ZNF385B: variants seen among roughly 807,000 people sequenced by gnomAD.
ZNF385B encodes the protein zinc finger protein 385B, also known as zinc finger protein 533.
ZNF385B carries 23 observed loss-of-function variants against 39.2 expected under a neutral mutation model. The ratio of observed to expected loss-of-function variants is 0.59; its 90% CI spans 0.42 to 0.83. ZNF385B has a LOEUF of 0.83. Ranked by LOEUF, ZNF385B falls within the 40% of genes least tolerant of loss-of-function variation. The pLI, the probability that ZNF385B is intolerant of heterozygous loss-of-function variation, is 0.00. For missense variants in ZNF385B, 552 were observed against 598.9 expected (o/e 0.92, Z 0.82); for synonymous variants, 205 against 222.6 (o/e 0.92, Z 0.70).
At chr2:179,773,132 T>A (rs941181430) in intron 1 of ZNF385B, among the ~76,000 whole-genome samples, 2 of 152,124 alleles carry the variant, frequency 1.3e-5, no homozygotes, top group African/African-American at 4.8e-5. Flanking sequence ...TTCCCTAGGA[T>A]TTTCCCTGAC....
chr2:179,578,376 G>A (rs1034119081), intron 3 of ZNF385B, among the ~76,000 whole-genome samples: 8 of 152,040 alleles, frequency 5.3e-5, no homozygotes, highest in African/African-American at 1.9e-4. Context: ...TACAAGTTAA[G>A]CCATATCTTA....
chr2:179,830,061 C>A (rs746261800), intron 1 of ZNF385B, among the ~76,000 whole-genome samples: 11 of 152,200 alleles, frequency 7.2e-5, no homozygotes, highest in Non-Finnish European at 1.3e-4. Flanking sequence ...AAATGATCTG[C>A]ATAGGCACCT....
At chr2:179,834,765 T>C (rs74331879) in intron 1 of ZNF385B, among the ~76,000 whole-genome samples, 1 of 152,192 alleles carries the variant, frequency 6.6e-6, no homozygotes, top group Non-Finnish European at 1.5e-5. Flanking sequence ...TGGGGAAATC[T>C]GGCAAATACA....
chr2:179,794,034 T>C (rs924159017), intron 1 of ZNF385B, among the ~76,000 whole-genome samples: 1 of 152,254 alleles, frequency 6.6e-6, no homozygotes. Flanking sequence ...GAGACTGTTT[T>C]CTAGTTTAAA....
intron 1 of ZNF385B, among the ~76,000 whole-genome samples, chr2:179,831,487 G>A (rs1307491694): frequency 1.4e-5 from 2 of 147,408 alleles, no homozygotes; most frequent in South Asian, 2.2e-4. Flanking sequence ...GGATCAAGTT[G>A]CTTTGAAAAA....
intron 3 of ZNF385B, among the ~76,000 whole-genome samples, chr2:179,664,128 G>A (rs1312653430): frequency 2.0e-5 from 3 of 150,266 alleles, no homozygotes; most frequent in Non-Finnish European, 3.0e-5. Flanking sequence ...TTCCTTCAGG[G>A]GATTTTTTTT....
intron 3 of ZNF385B, among the ~76,000 whole-genome samples, chr2:179,641,091 G>T (rs574949566): frequency 0.042 from 6,077 of 143,606 alleles, 162 homozygotes; most frequent in Middle Eastern, 0.069. Context: ...GCATAAAAAA[G>T]ATTCTTTTTA....
intron 3 of ZNF385B, among the ~76,000 whole-genome samples, chr2:179,759,539 A>G (rs1411930062): frequency 6.6e-6 from 1 of 152,120 alleles, no homozygotes; most frequent in Non-Finnish European, 1.5e-5. Context: ...ACTTCACTCC[A>G]ATAATAAGAA....
chr2:179,446,429 A>G, intron 7 of ZNF385B, 96 bp downstream of exon 7: 1 of 1,475,486 alleles, frequency 6.8e-7, no homozygotes, highest in African/African-American at 1.4e-5. Flanking sequence ...AGCATGGAAC[A>G]AACCTAAGGT....
intron 3 of ZNF385B, among the ~76,000 whole-genome samples, chr2:179,639,259 A>G (rs1299304413): frequency 6.9e-6 from 1 of 145,098 alleles, no homozygotes; most frequent in African/African-American, 2.5e-5. Context: ...AGGGGGAGAA[A>G]GAAAAGAAAA....
chr2:179,602,617 G>C (rs12991282), intron 3 of ZNF385B, among the ~76,000 whole-genome samples: 24,204 of 152,054 alleles, frequency 0.16, 2,321 homozygotes, highest in African/African-American at 0.24. Flanking sequence ...ATTAGCTCAT[G>C]TAAATGACTA....
At chr2:179,677,316 T>G (rs747559495) in intron 3 of ZNF385B, among the ~76,000 whole-genome samples, 1 of 152,332 alleles carries the variant, frequency 6.6e-6, no homozygotes, top group East Asian at 1.9e-4. Flanking sequence ...AATAGCTACT[T>G]GCCAAGATCT....
At chr2:179,754,250 T>C (rs1269860042) in intron 3 of ZNF385B, among the ~76,000 whole-genome samples, 1 of 152,234 alleles carries the variant, frequency 6.6e-6, no homozygotes, top group Non-Finnish European at 1.5e-5. Context: ...GATTTGCATA[T>C]GTTGAACCAG....
chr2:179,603,506 C>A (rs555685971), intron 3 of ZNF385B, among the ~76,000 whole-genome samples: 15 of 152,190 alleles, frequency 9.9e-5, no homozygotes, highest in African/African-American at 3.4e-4. Context: ...AGACAATGAC[C>A]CAGGATCTTT....
intron 3 of ZNF385B, among the ~76,000 whole-genome samples, chr2:179,663,713 C>CAAAAAAAAAAAAAAAAAA (rs71401756): frequency 3.0e-5 from 2 of 67,732 alleles, no homozygotes; most frequent in African/African-American, 1.4e-4. Flanking sequence ...GACTCCGTCT[C>CAAAAAAAAAAAAAAAAAA]AAAAAAAAAA....
intron 5 of ZNF385B, among the ~76,000 whole-genome samples, chr2:179,499,536 T>A (rs923801376): frequency 2.0e-5 from 3 of 151,928 alleles, no homozygotes; most frequent in South Asian, 4.1e-4. Flanking sequence ...AGATGAAGGA[T>A]TAGAACTATA....
At chr2:179,552,345 G>A (rs1047974896) in intron 3 of ZNF385B, among the ~76,000 whole-genome samples, 4 of 149,214 alleles carry the variant, frequency 2.7e-5, no homozygotes, top group Non-Finnish European at 5.9e-5. Flanking sequence ...AGAAGCATTT[G>A]CAGAATGAGA....
intron 5 of ZNF385B, among the ~76,000 whole-genome samples, chr2:179,494,521 G>A (rs2055944461): frequency 1.3e-5 from 2 of 151,984 alleles, no homozygotes; most frequent in African/African-American, 4.8e-5. Flanking sequence ...TCACATATCT[G>A]CAATTTTTGG....
chr2:179,583,266 C>G (rs1326044403), intron 3 of ZNF385B, among the ~76,000 whole-genome samples: 1 of 152,040 alleles, frequency 6.6e-6, no homozygotes, highest in African/African-American at 2.4e-5. Flanking sequence ...GAGGAGTCAT[C>G]AAAGCAATCC....
Sources: gnomAD v4.1 joint callset for allele counts (sites outside exome capture counted in the v4.1 genomes callset) on GRCh38, gnomAD v4.1.1 for gene constraint, MANE v1.5 for transcripts, NCBI Gene and HGNC (gene_info 2026-07-23, HGNC 2026-07-21) for gene names.